The following RUBCNL variants were observed in gnomAD, a reference collection of about 807,000 sequenced individuals.
RUBCNL encodes rubicon like autophagy enhancer.
A neutral mutation model predicts 69.5 loss-of-function variants in RUBCNL; 62 were observed. The ratio of observed to expected loss-of-function variants is 0.89; its 90% CI spans 0.73 to 1.10. RUBCNL has a LOEUF of 1.10. Ranked by LOEUF, RUBCNL falls within the 50% of genes least tolerant of loss-of-function variation. The pLI, the probability that RUBCNL is intolerant of heterozygous loss-of-function variation, is 0.00. For synonymous variants in RUBCNL, 291 were observed against 303.6 expected, an observed-to-expected ratio of 0.96 and a Z score of 0.43; for missense variants, 768 against 798.1, an observed-to-expected ratio of 0.96 and a Z score of 0.45.
At chr13:46,362,939 G>GATATATATATATAGATATATAT (rs2048653872) in intron 6 of RUBCNL, among the ~76,000 whole-genome samples, 176 bp downstream of exon 6, 1 of 41,504 alleles carries the variant, frequency 2.4e-5, no homozygotes, top group Non-Finnish European at 3.8e-5. Context: ...TATATATATA[G>GATATATATATATAGATATATAT]ATATATATAT....
At position 46,350,208 on chromosome 13, in the gene RUBCNL, G is replaced by C. The variant is rs763412476; in HGVS notation, c.1474C>G (p.Gln492Glu). The part of the protein sequence containing the change: ...KKYYVSNFSK[Q>E]LLDSIWHQPI... The stretch of plus-strand genomic sequence containing the variant: ...TGGTGCCATATGCTGTCGAGCAGCT[G>C]TTTGGAGAAATTGCTGACGTAGTAC... The change falls in exon 11 of 15, where the codon CAG becomes GAG. Residue 492 changes from glutamine (Q) to glutamate (E), a missense_variant. Coordinates refer to ENST00000429979, the MANE Select transcript of RUBCNL (RefSeq NM_025113.5). 8 of 1,593,694 alleles carry C rather than the reference G, an allele frequency of 5.0e-6. No individual in the cohort carries two copies. Among genetic ancestry groups the C allele is most frequent in the Non-Finnish European group, 6.8e-6 (8 of 1,169,778 alleles).
At chr13:46,367,026 C>T (rs1011201844) in intron 5 of RUBCNL, among the ~76,000 whole-genome samples, 1 of 152,036 alleles carries the variant, frequency 6.6e-6, no homozygotes, top group Non-Finnish European at 1.5e-5. Flanking sequence ...GTTAAATCTG[C>T]CAGGAAGCAA....
At chr13:46,358,192 C>G (rs886777811) in intron 9 of RUBCNL, among the ~76,000 whole-genome samples, 4 of 152,110 alleles carry the variant, frequency 2.6e-5, no homozygotes, top group African/African-American at 7.2e-5. Flanking sequence ...TTGGCATTCT[C>G]TCAAAAAAAG....
chr13:46,339,096 T>C lies in RUBCNL; in HGVS notation c.*4289A>G, dbSNP rs1015160175. 2.0e-5 allele frequency among the ~76,000 whole-genome samples: 3 copies of C among 151,760 alleles called. No homozygotes were observed. Among genetic ancestry groups the C allele is most frequent in the African/African-American group, 2.4e-5 (1 of 41,304 alleles). ...AAAAATACACAATTTGCTTAACCTA[T>C]GTGGTTAAGCTCTTCAATCCTCAGT... On this transcript the variant is annotated 3_prime_UTR_variant, in exon 15 of 15. Transcript: ENST00000429979.
intron 2 of RUBCNL, among the ~76,000 whole-genome samples, chr13:46,376,011 T>C (rs1443662826): frequency 6.6e-6 from 1 of 152,206 alleles, no homozygotes; most frequent in African/African-American, 2.4e-5. Flanking sequence ...ACAGTAAATA[T>C]ATTCTCTCTT....
In RUBCNL at chr13:46,363,203, C is replaced by A; in HGVS notation, c.837G>T (p.Val279=). ...TTTCAGTCACTGGGCTGACCTGTAA[C>A]ACAGCACAACCTAGACAAAGAAAGG... The part of the protein sequence containing the change: ...SSYSGYEGCA[V]LQVSPVTETR... The change falls in exon 6 of 15, where the codon GTG becomes GTT. Residue 279 remains valine, a synonymous_variant. Transcript: ENST00000429979. 1 of 1,557,884 alleles carries A rather than the reference C, an allele frequency of 6.4e-7. No homozygotes were observed. Among genetic ancestry groups the A allele is most frequent in the Non-Finnish European group, 8.7e-7 (1 of 1,149,828 alleles).
chr13:46,364,270 G>A (rs559214119), intron 5 of RUBCNL, among the ~76,000 whole-genome samples: 1 of 152,028 alleles, frequency 6.6e-6, no homozygotes, highest in Non-Finnish European at 1.5e-5. Flanking sequence ...GGTGGCAGGT[G>A]CCTGTAGTCC....
At position 46,340,118 on chromosome 13, in the gene RUBCNL, C is replaced by T. The variant is rs1021107146; in HGVS notation, c.*3267G>A. Among the ~76,000 whole-genome samples the T allele has an allele frequency of 6.6e-6, 1 of 152,136 alleles. No individual in the cohort carries two copies. Among genetic ancestry groups the T allele is most frequent in the African/African-American group, 2.4e-5 (1 of 41,510 alleles). On this transcript the variant is annotated 3_prime_UTR_variant, in exon 15 of 15. Coordinates refer to ENST00000429979, the MANE Select transcript of RUBCNL (RefSeq NM_025113.5). ...GCATCTTCTCTCTTCTCTCAATTTCCCTTTTCTTATAAGGACACCAGTCAC... is the reference window on the plus strand; with the variant it reads ...GCATCTTCTCTCTTCTCTCAATTTCTCTTTTCTTATAAGGACACCAGTCAC...
At chr13:46,389,543 G>A (rs1467090553), upstream of RUBCNL, among the ~76,000 whole-genome samples, 1 of 152,218 alleles carries the variant, frequency 6.6e-6, no homozygotes, top group Non-Finnish European at 1.5e-5. The surrounding 1 kb of genome is among the most constrained non-coding windows in gnomAD (Gnocchi z 4.2). Context: ...TTTGTAGGGA[G>A]ATTAGGATAT....
chr13:46,356,463 G>GA lies in RUBCNL; in HGVS notation c.1298dup (p.Cys434LeufsTer11). 1 of 1,613,890 alleles carries GA rather than the reference G, an allele frequency of 6.2e-7. No individual in the cohort carries two copies. The highest frequency in any genetic ancestry group is 8.5e-7 in the Non-Finnish European group (1 of 1,179,868). On this transcript the variant is annotated frameshift_variant, in exon 10 of 15. Transcript: ENST00000429979. LOFTEE classifies it high-confidence loss of function. ...CTACTGGAGTTCCACAGCCGGCACA[G>GA]AAAAAATTCTGGGCTGCCACCACAA...
chr13:46,363,243 C>A, intron 5 of RUBCNL, 30 bp from the exon 6 acceptor site: 1 of 1,297,038 alleles, frequency 7.7e-7, no homozygotes, highest in South Asian at 1.7e-5. Flanking sequence ...AGGTTTTTAC[C>A]AATAAGAAGA....
At position 46,336,320 on chromosome 13, in the gene RUBCNL, C is replaced by T. The variant is rs1315714252; in HGVS notation, c.*7065G>A. Among the ~76,000 whole-genome samples the T allele has an allele frequency of 1.3e-5, 2 of 152,186 alleles. No individual in the cohort carries two copies. The highest frequency in any genetic ancestry group is 2.9e-5 in the Non-Finnish European group (2 of 68,036). On this transcript the variant is annotated 3_prime_UTR_variant, in exon 15 of 15. Coordinates refer to ENST00000429979, the MANE Select transcript of RUBCNL (RefSeq NM_025113.5). ...CCCAACAGCTAATCTGATTTCTCCA[C>T]TGTGGGCATGGACAGTAGAAATGCA... is the stretch of plus-strand genomic sequence containing the variant.
chr13:46,359,322 A>G (rs1307955854), intron 9 of RUBCNL, among the ~76,000 whole-genome samples, 164 bp downstream of exon 9: 1 of 152,084 alleles, frequency 6.6e-6, no homozygotes, highest in Non-Finnish European at 1.5e-5. Context: ...GAAAAAAAAA[A>G]AAAACCTAAG....
Position 46,336,967 on chromosome 13 carries a change from T to C in RUBCNL, c.*6418A>G, listed in dbSNP as rs533176144. ...CTGCATGACTGTTATGGACTGAATA[T>C]TTATATCTCCTCAAAAGTCATGTGT... On this transcript the variant is annotated 3_prime_UTR_variant, in exon 15 of 15. Coordinates refer to ENST00000429979, the MANE Select transcript of RUBCNL (RefSeq NM_025113.5). 6.6e-6 allele frequency among the ~76,000 whole-genome samples: 1 copy of C among 152,002 alleles called. No homozygotes were observed. The highest frequency in any genetic ancestry group is 1.9e-4 in the East Asian group (1 of 5,186).
In RUBCNL at chr13:46,339,982, T is replaced by C. The variant is rs1482268379; in HGVS notation, c.*3403A>G. On this transcript the variant is annotated 3_prime_UTR_variant, in exon 15 of 15. Coordinates refer to ENST00000429979, the MANE Select transcript of RUBCNL (RefSeq NM_025113.5). ...ATGTTGGGTTTTTTTTTTAAGGCTC[T>C]GAGGAAGAATCTGCCCCCTGCCTCT... Among the ~76,000 whole-genome samples, 1 of 152,048 alleles carries C rather than the reference T, an allele frequency of 6.6e-6. No homozygotes were observed. Among genetic ancestry groups the C allele is most frequent in the Non-Finnish European group, 1.5e-5 (1 of 67,974 alleles).
At chr13:46,371,861 GACA>G (rs1303272508) in intron 3 of RUBCNL, 77 bp downstream of exon 3, 3 of 1,421,614 alleles carry the variant, frequency 2.1e-6, no homozygotes, top group African/African-American at 2.8e-5. Context: ...CCATGGGGAA[GACA>G]ACAAGGCAGG....
chr13:46,351,402 C>A (rs563575953), intron 10 of RUBCNL, among the ~76,000 whole-genome samples: 20 of 152,182 alleles, frequency 1.3e-4, no homozygotes, highest in Non-Finnish European at 2.9e-4. Context: ...TTACGTCTAG[C>A]ACTGATAGAA....
chr13:46,365,302 CA>C (rs34280215), intron 5 of RUBCNL, among the ~76,000 whole-genome samples: 19,320 of 59,730 alleles, frequency 0.32, 1,088 homozygotes, highest in Non-Finnish European at 0.33. Context: ...GACTCCATCT[CA>C]AAAAAAAAAA....
At position 46,336,740 on chromosome 13, in the gene RUBCNL, A is replaced by G. The variant is rs1383378361; in HGVS notation, c.*6645T>C. ...ATGGAAATGCTATTGTTGTAGGTAA[A>G]GGAAGAAAGAGGTGTGGAAGCGATG... is the stretch of plus-strand genomic sequence containing the variant. On this transcript the variant is annotated 3_prime_UTR_variant, in exon 15 of 15. Coordinates refer to ENST00000429979, the MANE Select transcript of RUBCNL (RefSeq NM_025113.5). 6.6e-6 allele frequency among the ~76,000 whole-genome samples: 1 copy of G among 152,144 alleles called. No individual in the cohort carries two copies. The highest frequency in any genetic ancestry group is 1.5e-5 in the Non-Finnish European group (1 of 68,028).
Sources: allele counts gnomAD v4.1 joint callset (sites outside exome capture counted in the v4.1 genomes callset), GRCh38; gene constraint gnomAD v4.1.1; non-coding constraint Gnocchi (gnomAD v3.1); transcripts MANE v1.5; gene names NCBI Gene and HGNC (gene_info 2026-07-23, HGNC 2026-07-21).